Variants in CSMD3 observed in about 807,000 individuals in gnomAD.
CSMD3 encodes the protein CUB and sushi domain-containing protein 3.
In CSMD3, 177 loss-of-function variants were observed where a neutral mutation model predicts 435.2. The observed-to-expected ratio is 0.41, with a 90% CI of 0.36 to 0.46. CSMD3 has a LOEUF of 0.46. Among genes scored for constraint, CSMD3 ranks in the 20% least tolerant of loss-of-function variants. The pLI is 0.34. For synonymous variants in CSMD3, 1,656 were observed against 1,520.5 expected (o/e 1.09, Z -2.07); for missense variants, 4,265 against 4,504.6 (o/e 0.95, Z 1.52).
chr8:113,072,944 A>G (rs1290774311), intron 5 of CSMD3, among the ~76,000 whole-genome samples: 2 of 151,728 alleles, frequency 1.3e-5, no homozygotes, highest in Admixed American at 1.3e-4. Context: ...TTACTCAACA[A>G]TAACAATGAT....
intron 10 of CSMD3, among the ~76,000 whole-genome samples, chr8:112,890,390 CT>C (rs1337505243): frequency 4.6e-5 from 7 of 151,682 alleles, no homozygotes; most frequent in Non-Finnish European, 1.0e-4. Flanking sequence ...GGTAACATTA[CT>C]TTTTTTCTTA....
chr8:112,284,394 A>G (rs1818971266), intron 58 of CSMD3, among the ~76,000 whole-genome samples: 1 of 151,834 alleles, frequency 6.6e-6, no homozygotes. Context: ...TAAAAATACC[A>G]ATAATTTCAC....
chr8:112,294,676 A>G (rs1820094164), intron 54 of CSMD3, among the ~76,000 whole-genome samples: 1 of 152,158 alleles, frequency 6.6e-6, no homozygotes. Context: ...AAAGCACAGC[A>G]GGTATATTTA....
intron 11 of CSMD3, among the ~76,000 whole-genome samples, chr8:112,854,280 G>A (rs917429191): frequency 2.0e-5 from 3 of 152,126 alleles, no homozygotes; most frequent in African/African-American, 4.8e-5. Flanking sequence ...TGTGGGAGTG[G>A]TTTGCTTATT....
At chr8:113,241,997 C>T (rs10955653) in intron 3 of CSMD3, among the ~76,000 whole-genome samples, 55,784 of 150,370 alleles carry the variant, frequency 0.37, 11,230 homozygotes, top group African/African-American at 0.54. Context: ...TATCTATATA[C>T]ATATATACAT....
intron 1 of CSMD3, among the ~76,000 whole-genome samples, chr8:113,356,466 T>C (rs575648966): frequency 6.6e-6 from 1 of 152,284 alleles, no homozygotes; most frequent in South Asian, 2.1e-4. Context: ...GGAAGATTTC[T>C]ACCTTTACAG....
chr8:112,386,672 T>C (rs892822325), intron 36 of CSMD3, among the ~76,000 whole-genome samples: 4 of 151,910 alleles, frequency 2.6e-5, no homozygotes, highest in African/African-American at 9.7e-5. Context: ...TAATTTTTTG[T>C]ATTTTTAGTA....
At chr8:112,255,484 AGT>A in intron 61 of CSMD3, 57 bp from the exon 62 acceptor site, 3 of 1,461,008 alleles carry the variant, frequency 2.1e-6, no homozygotes, top group Admixed American at 1.7e-5. Flanking sequence ...CAGAGTACAC[AGT>A]TTGGAAAAAT....
At chr8:112,688,803 G>A (rs1026028281) in intron 14 of CSMD3, among the ~76,000 whole-genome samples, 4 of 151,858 alleles carry the variant, frequency 2.6e-5, no homozygotes, top group Non-Finnish European at 5.9e-5. Flanking sequence ...AGTAAAAAAT[G>A]TTTTCTAGTA....
At chr8:112,565,937 C>T (rs140692855) in intron 24 of CSMD3, among the ~76,000 whole-genome samples, 90 of 151,054 alleles carry the variant, frequency 6.0e-4, no homozygotes, top group South Asian at 1.0e-3. Flanking sequence ...AGTCTTTCCC[C>T]GATAGTAAAT....
intron 2 of CSMD3, among the ~76,000 whole-genome samples, chr8:113,301,298 A>T (rs1325346498): frequency 6.6e-6 from 1 of 152,112 alleles, no homozygotes; most frequent in Non-Finnish European, 1.5e-5. Flanking sequence ...ATTATGAATA[A>T]ATTGTATTCT....
At chr8:112,772,433 C>A (rs953490003) in intron 13 of CSMD3, among the ~76,000 whole-genome samples, 1 of 152,112 alleles carries the variant, frequency 6.6e-6, no homozygotes, top group Non-Finnish European at 1.5e-5. Flanking sequence ...CATCACCACT[C>A]CCTAATCTCA....
intron 45 of CSMD3, among the ~76,000 whole-genome samples, chr8:112,320,281 G>A (rs72672901): frequency 0.2 from 30,575 of 151,712 alleles, 3,663 homozygotes; most frequent in East Asian, 0.37. Flanking sequence ...TTGGAATTAC[G>A]TATTCATGTT....
At chr8:112,960,291 G>GA (rs2084179908) in intron 7 of CSMD3, among the ~76,000 whole-genome samples, 1 of 151,238 alleles carries the variant, frequency 6.6e-6, no homozygotes, top group East Asian at 1.9e-4. Context: ...CTTAGACAAA[G>GA]AAAAATCAAG....
chr8:112,999,218 AT>A (rs888406289), intron 6 of CSMD3, among the ~76,000 whole-genome samples: 55 of 152,098 alleles, frequency 3.6e-4, no homozygotes, highest in Admixed American at 1.2e-3. Flanking sequence ...AAGGGATGGA[AT>A]TTTTTAACAT....
chr8:112,487,165 G>A (rs1820222063), intron 31 of CSMD3, among the ~76,000 whole-genome samples: 1 of 152,104 alleles, frequency 6.6e-6, no homozygotes, highest in South Asian at 2.1e-4. Flanking sequence ...AAAGTACTTT[G>A]GGCTTTACAT....
At chr8:113,181,768 C>T (rs2092424747) in intron 3 of CSMD3, among the ~76,000 whole-genome samples, 1 of 151,972 alleles carries the variant, frequency 6.6e-6, no homozygotes, top group Non-Finnish European at 1.5e-5. Context: ...GGCATATTAG[C>T]AGCCATACTC....
chr8:113,083,672 A>C (rs1357514732), intron 5 of CSMD3, among the ~76,000 whole-genome samples: 1 of 152,320 alleles, frequency 6.6e-6, no homozygotes, highest in African/African-American at 2.4e-5. Context: ...ACAACAAAAT[A>C]ACAAGAGTAG....
In CSMD3 at chr8:112,263,623, T is replaced by TA. The variant is rs564082962; in HGVS notation, c.9862+15dup. The TA allele has an allele frequency of 2.6e-4, 421 of 1,610,914 alleles. 3 individuals carry two copies. The South Asian group carries it at 4.1e-3, about 16-fold the overall frequency. On this transcript the variant is annotated intron_variant, in intron 61 of 70. Transcript: ENST00000297405. ...GAAAATTTTAAGTAACAGTTGTTAGTAGAAATCATACTTACGTAAGCACTG... is the reference window on the plus strand; with the variant it reads ...GAAAATTTTAAGTAACAGTTGTTAGTAAGAAATCATACTTACGTAAGCACTG...
Sources: gnomAD v4.1 joint callset for allele counts (sites outside exome capture counted in the v4.1 genomes callset) on GRCh38, gnomAD v4.1.1 for gene constraint, MANE v1.5 for transcripts, NCBI Gene and HGNC (gene_info 2026-07-23, HGNC 2026-07-21) for gene names.